GPNMB: variants seen among roughly 807,000 people sequenced by gnomAD.
GPNMB encodes transmembrane glycoprotein NMB.
GPNMB carries 71 observed loss-of-function variants against 57.3 expected under a neutral mutation model. The observed-to-expected ratio is 1.24, with a 90% CI of 1.02 to 1.51. The LOEUF is 1.51. Ranked by LOEUF, GPNMB falls within the 40% of genes most tolerant of loss-of-function variation. GPNMB has a pLI of 0.00. For missense variants in GPNMB, 677 were observed against 691.9 expected (o/e 0.98, Z 0.24); for synonymous variants, 253 against 263.2 (o/e 0.96, Z 0.38).
chr7:23,250,472 G>A (rs771184698), intron 1 of GPNMB, among the ~76,000 whole-genome samples: 18 of 151,824 alleles, frequency 1.2e-4, no homozygotes, highest in Admixed American at 2.0e-4. Flanking sequence ...GTGCTTGCCC[G>A]TGGTCCTAGC....
chr7:23,256,331 T>C (rs966860859), intron 3 of GPNMB, among the ~76,000 whole-genome samples: 6 of 152,238 alleles, frequency 3.9e-5, no homozygotes, highest in South Asian at 2.1e-4. Flanking sequence ...CATATGTAGA[T>C]ATAAGGATAG....
At chr7:23,250,265 G>C (rs1013765194) in intron 1 of GPNMB, among the ~76,000 whole-genome samples, 1 of 152,096 alleles carries the variant, frequency 6.6e-6, no homozygotes, top group South Asian at 2.1e-4. Context: ...AGAGAGCAAA[G>C]GTTTTTTATT....
chr7:23,270,879 C>A (rs1224078345), intron 9 of GPNMB, among the ~76,000 whole-genome samples: 2 of 152,206 alleles, frequency 1.3e-5, no homozygotes, highest in Non-Finnish European at 2.9e-5. Context: ...ACCCTAATGG[C>A]CCTAGCTGAC....
rs760219653 is a variant in GPNMB at position 23,273,572 on chromosome 7, G to A, written c.1481G>A (p.Cys494Tyr). The A allele has an allele frequency of 6.2e-7, 1 of 1,613,740 alleles. No individual in the cohort carries two copies. Among genetic ancestry groups the A allele is most frequent in the South Asian group, 1.1e-5 (1 of 91,076 alleles). ...MANSALISVG[C>Y]LAIFVTVISL... ...AACAGTGCCCTGATCTCCGTTGGCTGCTTGGCCATATTTGTCACTGTGATC... is the reference window on the plus strand; with the variant it reads ...AACAGTGCCCTGATCTCCGTTGGCTACTTGGCCATATTTGTCACTGTGATC... The change falls in exon 10 of 11, where the codon TGC becomes TAC. Residue 494 changes from cysteine to tyrosine, a missense_variant. By Grantham distance (194) the Cys-to-Tyr change is radical. Coordinates refer to ENST00000258733, the MANE Select transcript of GPNMB (RefSeq NM_002510.3).
At chr7:23,247,150 G>T (rs1366166631) in intron 1 of GPNMB, 2 of 561,160 alleles carry the variant, frequency 3.6e-6, no homozygotes, top group Admixed American at 3.0e-5. Flanking sequence ...TAAAAACTAT[G>T]CTGCCCTTCT....
intron 6 of GPNMB, among the ~76,000 whole-genome samples, chr7:23,261,040 C>G (rs1782910024): frequency 6.6e-6 from 1 of 152,112 alleles, no homozygotes; most frequent in African/African-American, 2.4e-5. Flanking sequence ...TGCACTGGTC[C>G]CTGCTATGTG....
intron 3 of GPNMB, 78 bp downstream of exon 3, chr7:23,254,390 C>T: frequency 1.7e-6 from 2 of 1,176,778 alleles, no homozygotes; most frequent in Non-Finnish European, 2.5e-6. Context: ...TCTGTAAGTG[C>T]CAGATGCTGA....
chr7:23,259,402 T>C (rs1185560060), intron 4 of GPNMB, among the ~76,000 whole-genome samples: 1 of 152,110 alleles, frequency 6.6e-6, no homozygotes, highest in Admixed American at 6.5e-5. Context: ...CAGGATGGTC[T>C]CCATCTCCTG....
At chr7:23,256,362 C>T (rs1239426142) in intron 3 of GPNMB, among the ~76,000 whole-genome samples, 1 of 152,142 alleles carries the variant, frequency 6.6e-6, no homozygotes, top group Non-Finnish European at 1.5e-5. Context: ...CTATCTACAT[C>T]TAGAGACAGA....
At chr7:23,261,310 G>A (rs777953937) in intron 6 of GPNMB, among the ~76,000 whole-genome samples, 2 of 152,142 alleles carry the variant, frequency 1.3e-5, no homozygotes, top group Non-Finnish European at 2.9e-5. Flanking sequence ...AGTGACTCCT[G>A]ACATTAAAAT....
intron 1 of GPNMB, chr7:23,247,801 C>G (rs553423983): frequency 7.2e-5 from 11 of 152,400 alleles, no homozygotes; most frequent in African/African-American, 1.7e-4. Context: ...CCCGGGAAAA[C>G]GCCTACGTTT....
At chr7:23,255,521 A>G (rs894233457) in intron 3 of GPNMB, among the ~76,000 whole-genome samples, 2 of 152,222 alleles carry the variant, frequency 1.3e-5, no homozygotes, top group Admixed American at 6.5e-5. Flanking sequence ...ACAGGAATAC[A>G]TACATCTCTT....
In GPNMB at chr7:23,274,452, T is replaced by C. The variant is rs879428461; in HGVS notation, c.*228T>C. 2 of 398,890 alleles carry C rather than the reference T, an allele frequency of 5.0e-6. No homozygotes were observed. The highest frequency in any genetic ancestry group is 8.9e-6 in the Non-Finnish European group (2 of 224,410). 24.7% of individuals were successfully genotyped at this position (398,890 alleles called of 1,614,324 possible). On this transcript the variant is annotated 3_prime_UTR_variant, in exon 11 of 11. Transcript: ENST00000258733. ...GATAAAAGCAACTTAGCAAGGCTTCTTTTCATTATTTTTTATGTTTCACTT... is the reference window on the plus strand; with the variant it reads ...GATAAAAGCAACTTAGCAAGGCTTCCTTTCATTATTTTTTATGTTTCACTT...
chr7:23,260,190 C>A, intron 5 of GPNMB, 52 bp downstream of exon 5: 1 of 1,584,076 alleles, frequency 6.3e-7, no homozygotes. Context: ...CTGTTGACGT[C>A]AATGGGTTAA....
At chr7:23,251,839 G>A (rs1782669117) in intron 1 of GPNMB, among the ~76,000 whole-genome samples, 1 of 152,318 alleles carries the variant, frequency 6.6e-6, no homozygotes, top group Non-Finnish European at 1.5e-5. Flanking sequence ...AGGAAAACTA[G>A]GAAGTGATAC....
intron 2 of GPNMB, 68 bp downstream of exon 2, chr7:23,253,527 C>G (rs1031486645): frequency 4.5e-6 from 6 of 1,319,408 alleles, no homozygotes; most frequent in African/African-American, 1.5e-5. Flanking sequence ...GATGGTAAAG[C>G]CTTTTAGATC....
At chr7:23,267,846 T>A (rs777529242) in intron 7 of GPNMB, 40 bp from the exon 8 acceptor site, 1 of 1,260,794 alleles carries the variant, frequency 7.9e-7, no homozygotes, top group Non-Finnish European at 1.2e-6. Flanking sequence ...TGATTTCTGT[T>A]GTATTTTGAT....
rs746669002 is a variant in GPNMB, at chr7:23,253,389, A to T, written c.153A>T (p.Glu51Asp). The change falls in exon 2 of 11, where the codon GAA (glutamate) becomes GAT (aspartate). Residue 51 changes from glutamate to aspartate, a missense_variant. Glu to Asp is a conservative substitution (Grantham distance 45, BLOSUM62 2). Transcript: ENST00000258733. ...HNQLNGWSSD[E>D]NDWNEKLYPV... ...AATTAAATGGCTGGTCTTCTGATGA[A>T]AATGACTGGAATGAAAAACTCTACC... The T allele has an allele frequency of 3.1e-6, 5 of 1,614,090 alleles. No individual in the cohort carries two copies. Among genetic ancestry groups the T allele is most frequent in the East Asian group, 2.2e-5 (1 of 44,888 alleles).
chr7:23,270,233 C>A, intron 9 of GPNMB, 58 bp downstream of exon 9: 1 of 1,152,020 alleles, frequency 8.7e-7, no homozygotes, highest in Non-Finnish European at 1.3e-6. Context: ...GTGTGTATCC[C>A]ATACTAAAGC....
Sources: allele counts gnomAD v4.1 joint callset (sites outside exome capture counted in the v4.1 genomes callset), GRCh38; gene constraint gnomAD v4.1.1; transcripts MANE v1.5; gene names NCBI Gene and HGNC (gene_info 2026-07-23, HGNC 2026-07-21).